ATE1: variants seen among roughly 807,000 people sequenced by gnomAD.
ATE1 encodes the protein arginyltransferase 1.
Under a neutral mutation model 70.5 loss-of-function variants are expected in ATE1, and 36 were observed. That is an observed-to-expected ratio of 0.51 (90% confidence interval 0.39 to 0.67). The LOEUF is 0.67. ATE1 is among the 30% of genes least tolerant of loss of function. ATE1 has a pLI of 0.00. For synonymous variants in ATE1, 232 were observed against 219.3 expected (o/e 1.06, Z -0.51); for missense variants, 593 against 629.5 (o/e 0.94, Z 0.62).
intron 8 of ATE1, among the ~76,000 whole-genome samples, chr10:121,864,943 C>T (rs910551721): frequency 5.3e-5 from 8 of 152,252 alleles, no homozygotes; most frequent in Admixed American, 5.2e-4. Context: ...TTATCCAGCC[C>T]ACCATGCTGA....
intron 7 of ATE1, among the ~76,000 whole-genome samples, chr10:121,871,286 C>T (rs1335228437): frequency 3.3e-5 from 5 of 152,002 alleles, no homozygotes; most frequent in Non-Finnish European, 7.4e-5. Context: ...TGGTGAAACC[C>T]CGTCTCTAAT....
chr10:121,790,194 G>A lies in ATE1; in HGVS notation c.1353C>T (p.Cys451=). 2 of 1,613,992 alleles carry A rather than the reference G, an allele frequency of 1.2e-6. No homozygotes were observed. ...CLPSLENSKY[C]RFNQDPEAVD... ...CTGCTTCTGGGTCCTGGTTGAAACG[G>A]CAGTACTTGGAGTTTTCAAGTGAAG... The change falls in exon 11 of 12, where the codon TGC becomes TGT. Residue 451 remains cysteine (C), a synonymous_variant. Transcript: ENST00000224652.
intron 10 of ATE1, among the ~76,000 whole-genome samples, chr10:121,804,166 A>G (rs1947002958): frequency 6.6e-6 from 1 of 152,224 alleles, no homozygotes; most frequent in Non-Finnish European, 1.5e-5. Context: ...ACTTAAACAT[A>G]GTTATTTACA....
In ATE1 at chr10:121,922,348, C is replaced by T; in HGVS notation, c.233+1G>A. The T allele has an allele frequency of 6.3e-7, 1 of 1,579,434 alleles. No individual in the cohort carries two copies. The highest frequency in any genetic ancestry group is 8.7e-7 in the Non-Finnish European group (1 of 1,152,464). On this transcript the variant is annotated splice_donor_variant, in intron 3 of 11. Transcript: ENST00000224652. LOFTEE classifies it high-confidence loss of function. ...CTCTTTCTACTAATTAAAATTCTTA[C>T]CTTATTGTGTACTGAGGACAACATG...
At chr10:121,909,906 T>G (rs1372930754) in intron 5 of ATE1, among the ~76,000 whole-genome samples, 1 of 152,048 alleles carries the variant, frequency 6.6e-6, no homozygotes, top group Non-Finnish European at 1.5e-5. Context: ...GAACTAGGCA[T>G]GGTGACAAGC....
intron 1 of ATE1, among the ~76,000 whole-genome samples, chr10:121,925,427 CAAA>C (rs35309690): frequency 1.0e-4 from 12 of 118,724 alleles, no homozygotes; most frequent in Admixed American, 1.7e-4. Flanking sequence ...AGCTCTGTCT[CAAA>C]AAAAAAAAAA....
At chr10:121,846,934 G>T (rs1367053517) in intron 8 of ATE1, among the ~76,000 whole-genome samples, 1 of 152,040 alleles carries the variant, frequency 6.6e-6, no homozygotes, top group African/African-American at 2.4e-5. Context: ...AAAGAAAACT[G>T]GAAGAAATGT....
intron 11 of ATE1, among the ~76,000 whole-genome samples, chr10:121,779,523 C>T (rs1036314498): frequency 3.9e-5 from 6 of 152,242 alleles, no homozygotes; most frequent in African/African-American, 1.4e-4. Flanking sequence ...TCTCCTAAGA[C>T]AGGAAGGGTC....
At position 121,773,349 on chromosome 10, in the gene ATE1, C is replaced by T. The variant is rs115123663; in HGVS notation, c.1378+16820G>A. Among the ~76,000 whole-genome samples, 508 of 152,242 alleles carry T rather than the reference C, an allele frequency of 3.3e-3. 2 individuals are homozygous for T. Among genetic ancestry groups the T allele is most frequent in the African/African-American group, 0.012 (486 of 41,540 alleles). On this transcript the variant is annotated intron_variant, in intron 11 of 11. Transcript: ENST00000224652. ...CTTGTCATTCAATAAGCAAGGTAAC[C>T]AGCAACCAAGTCGATAGGGCAAAAT...
chr10:121,759,084 T>C (rs1944927112), intron 11 of ATE1, among the ~76,000 whole-genome samples: 1 of 152,218 alleles, frequency 6.6e-6, no homozygotes, highest in Admixed American at 6.5e-5. Flanking sequence ...AACATGGTGA[T>C]GAAGGCACAC....
intron 7 of ATE1, among the ~76,000 whole-genome samples, chr10:121,888,132 C>T (rs1393744648): frequency 6.6e-6 from 1 of 152,162 alleles, no homozygotes; most frequent in Admixed American, 6.5e-5. Flanking sequence ...CAGTGGCTCA[C>T]GCCTGTAATC....
chr10:121,795,672 T>C (rs1184839322), intron 10 of ATE1, among the ~76,000 whole-genome samples: 1 of 152,254 alleles, frequency 6.6e-6, no homozygotes, highest in Non-Finnish European at 1.5e-5. Flanking sequence ...GTTTCAGATA[T>C]TCTCACAAGC....
upstream of ATE1, chr10:121,928,203 G>A (rs1952184870): frequency 7.5e-7 from 1 of 1,325,430 alleles, no homozygotes; most frequent in Non-Finnish European, 9.7e-7. Context: ...GTGAGGCGGA[G>A]AGACAGAGCG....
At chr10:121,897,323 T>C (rs756584790) in intron 7 of ATE1, among the ~76,000 whole-genome samples, 22 of 151,862 alleles carry the variant, frequency 1.4e-4, no homozygotes, top group Non-Finnish European at 2.6e-4. Context: ...AGCAGGGAGG[T>C]AGAAAGGCAT....
intron 7 of ATE1, among the ~76,000 whole-genome samples, chr10:121,887,866 G>C (rs1326309655): frequency 1.3e-5 from 2 of 152,162 alleles, no homozygotes; most frequent in Non-Finnish European, 2.9e-5. Flanking sequence ...CAGAGAGAAA[G>C]AATTTCAGCT....
At chr10:121,830,016 A>T (rs180760077) in intron 10 of ATE1, among the ~76,000 whole-genome samples, 170 of 152,342 alleles carry the variant, frequency 1.1e-3, no homozygotes, top group African/African-American at 4.0e-3. Flanking sequence ...TAGACCTTCA[A>T]TTTGCAATGA....
chr10:121,775,907 C>T (rs1432060047), intron 11 of ATE1, among the ~76,000 whole-genome samples: 1 of 152,214 alleles, frequency 6.6e-6, no homozygotes, highest in African/African-American at 2.4e-5. Flanking sequence ...TACATAGGTC[C>T]TTCCAGTGAC....
At chr10:121,927,123 CGAT>C in intron 1 of ATE1, 1 of 985,274 alleles carries the variant, frequency 1.0e-6, no homozygotes, top group Non-Finnish European at 1.2e-6. Context: ...GAAATAAACA[CGAT>C]GTTTTGTTTA....
intron 8 of ATE1, among the ~76,000 whole-genome samples, chr10:121,855,293 T>C (rs754393122): frequency 5.3e-5 from 8 of 152,216 alleles, no homozygotes; most frequent in Admixed American, 2.0e-4. Flanking sequence ...GACTGAAACA[T>C]GGTGCACTGG....
Sources: gnomAD v4.1 joint callset for allele counts (sites outside exome capture counted in the v4.1 genomes callset) on GRCh38, gnomAD v4.1.1 for gene constraint, MANE v1.5 for transcripts, NCBI Gene and HGNC (gene_info 2026-07-23, HGNC 2026-07-21) for gene names.